The following TRHDE variants were observed in gnomAD, a reference collection of about 807,000 sequenced individuals.
The protein encoded by TRHDE is thyrotropin-releasing hormone-degrading ectoenzyme.
A neutral mutation model predicts 125.7 loss-of-function variants in TRHDE; 72 were observed. The observed-to-expected ratio is 0.57, with a 90% confidence interval of 0.47 to 0.70. TRHDE has a LOEUF of 0.70. Ranked by LOEUF, TRHDE falls within the 30% of genes least tolerant of loss-of-function variation. The pLI is 0.00. For synonymous variants in TRHDE, 509 were observed against 509.1 expected (o/e 1.00, Z 0.00); for missense variants, 1,110 against 1,327.1 (o/e 0.84, Z 2.54).
At chr12:72,226,886 AT>A (rs1451913449) in intron 2 of TRHDE, among the ~76,000 whole-genome samples, 4 of 152,220 alleles carry the variant, frequency 2.6e-5, no homozygotes, top group Admixed American at 2.6e-4. Flanking sequence ...CCTAAGATTA[AT>A]GATAACATCA....
At chr12:72,110,909 G>T (rs927770807) in intron 2 of TRHDE, among the ~76,000 whole-genome samples, 2 of 152,132 alleles carry the variant, frequency 1.3e-5, no homozygotes, top group Non-Finnish European at 1.5e-5. Flanking sequence ...ATTCCGATGT[G>T]CTCAAATGAG....
chr12:72,246,312 T>C (rs1225244579), intron 2 of TRHDE, among the ~76,000 whole-genome samples: 1 of 152,152 alleles, frequency 6.6e-6, no homozygotes, highest in African/African-American at 2.4e-5. Flanking sequence ...ACATTTTAAT[T>C]TTCCATCTCT....
At chr12:72,245,561 T>C (rs1438341836) in intron 2 of TRHDE, among the ~76,000 whole-genome samples, 1 of 152,158 alleles carries the variant, frequency 6.6e-6, no homozygotes, top group Admixed American at 6.5e-5. Context: ...AATTTTCCAT[T>C]CTCTGGTTCC....
At chr12:72,434,388 C>CAAAA (rs34254660) in intron 3 of TRHDE, among the ~76,000 whole-genome samples, 2 of 81,966 alleles carry the variant, frequency 2.4e-5, no homozygotes, top group Non-Finnish European at 5.5e-5. Flanking sequence ...CTCTATGTCT[C>CAAAA]AAAAAAAAAA....
chr12:72,519,407 G>T (rs539643444), intron 6 of TRHDE, among the ~76,000 whole-genome samples: 14 of 151,678 alleles, frequency 9.2e-5, no homozygotes, highest in African/African-American at 3.1e-4. Flanking sequence ...ATCTTCCATC[G>T]CTGAACCCTT....
chr12:72,512,519 A>G (rs1247217091), intron 6 of TRHDE, among the ~76,000 whole-genome samples: 1 of 138,380 alleles, frequency 7.2e-6, no homozygotes, highest in Non-Finnish European at 1.5e-5. Flanking sequence ...ATTATATTAT[A>G]TATAATATAT....
chr12:72,642,218 CATT>C (rs1874095496), intron 15 of TRHDE, among the ~76,000 whole-genome samples: 1 of 152,148 alleles, frequency 6.6e-6, no homozygotes, highest in Admixed American at 6.5e-5. Context: ...AGGCAGCCAT[CATT>C]ATTATTTAAC....
chr12:72,173,536 A>T (rs747362779), intron 2 of TRHDE, among the ~76,000 whole-genome samples: 4 of 152,182 alleles, frequency 2.6e-5, no homozygotes, highest in Non-Finnish European at 5.9e-5. Flanking sequence ...TGAAGGACCT[A>T]CTTATCCCAC....
chr12:72,305,922 T>G (rs542613630), intron 2 of TRHDE, among the ~76,000 whole-genome samples: 1 of 152,334 alleles, frequency 6.6e-6, no homozygotes, highest in East Asian at 1.9e-4. Context: ...GTTCTACCTC[T>G]CTCTACCTTG....
At chr12:72,430,255 A>G (rs984018720) in intron 3 of TRHDE, among the ~76,000 whole-genome samples, 1 of 146,480 alleles carries the variant, frequency 6.8e-6, no homozygotes, top group African/African-American at 2.5e-5. Context: ...GTGTGTGTAT[A>G]TATATAATAC....
chr12:72,395,698 T>C (rs1872760745), intron 3 of TRHDE, among the ~76,000 whole-genome samples: 1 of 152,172 alleles, frequency 6.6e-6, no homozygotes. Context: ...TAAATCCTAC[T>C]CTATGCTTAT....
At chr12:72,641,466 C>T (rs1436230476) in intron 15 of TRHDE, among the ~76,000 whole-genome samples, 5 of 152,058 alleles carry the variant, frequency 3.3e-5, no homozygotes, top group Non-Finnish European at 7.4e-5. Flanking sequence ...CTCGTCTGTC[C>T]TTTCAGTCTA....
At chr12:72,304,706 A>G (rs1868314520) in intron 2 of TRHDE, among the ~76,000 whole-genome samples, 1 of 152,168 alleles carries the variant, frequency 6.6e-6, no homozygotes, top group African/African-American at 2.4e-5. Flanking sequence ...TATCCCTAAG[A>G]TGGTTACTCT....
intron 3 of TRHDE, among the ~76,000 whole-genome samples, chr12:72,399,060 AAACCCTAC>A (rs1352760202): frequency 2.0e-5 from 3 of 152,210 alleles, no homozygotes; most frequent in Non-Finnish European, 4.4e-5. Flanking sequence ...ATAGGAGCAC[AAACCCTAC>A]TGTGAACTGC....
intron 12 of TRHDE, among the ~76,000 whole-genome samples, chr12:72,583,689 A>T (rs1871327612): frequency 6.6e-6 from 1 of 152,146 alleles, no homozygotes; most frequent in South Asian, 2.1e-4. Context: ...AGCCTAGAGT[A>T]TATTTCTGGA....
intron 18 of TRHDE, among the ~76,000 whole-genome samples, chr12:72,657,823 C>A (rs763374367): frequency 6.6e-6 from 1 of 152,066 alleles, no homozygotes. Context: ...TACAATGGAT[C>A]GCACTTCAAA....
chr12:72,651,335 A>G (rs1212829255), intron 15 of TRHDE, among the ~76,000 whole-genome samples: 1 of 151,992 alleles, frequency 6.6e-6, no homozygotes, highest in East Asian at 1.9e-4. Flanking sequence ...TTATTCACAC[A>G]ATTCTTCCTG....
intron 3 of TRHDE, among the ~76,000 whole-genome samples, chr12:72,455,679 T>C (rs1592458031): frequency 6.6e-6 from 1 of 152,170 alleles, no homozygotes; most frequent in Non-Finnish European, 1.5e-5. Flanking sequence ...GAGATCAGTA[T>C]GTCAGGTTTA....
chr12:72,334,579 G>T (rs1273774064), intron 2 of TRHDE, among the ~76,000 whole-genome samples: 1 of 152,144 alleles, frequency 6.6e-6, no homozygotes, highest in Non-Finnish European at 1.5e-5. Context: ...CAACCAGGGG[G>T]TCCCTCAGCT....
Sources: gnomAD v4.1 joint callset for allele counts (sites outside exome capture counted in the v4.1 genomes callset) on GRCh38, gnomAD v4.1.1 for gene constraint, MANE v1.5 for transcripts, NCBI Gene and HGNC (gene_info 2026-07-23, HGNC 2026-07-21) for gene names.